CNTNAP2: variants seen among roughly 807,000 people sequenced by gnomAD.
CNTNAP2 encodes the protein contactin associated protein 2.
A neutral mutation model predicts 155.2 loss-of-function variants in CNTNAP2; 98 were observed. The ratio of observed to expected loss-of-function variants is 0.63; its 90% CI spans 0.54 to 0.75. CNTNAP2 has a LOEUF of 0.75. Ranked by LOEUF, CNTNAP2 falls within the 30% of genes least tolerant of loss-of-function variation. The probability of loss-of-function intolerance (pLI) is 0.00; values close to 1 mark genes in which losing one functional copy is unlikely to be tolerated. For synonymous variants in CNTNAP2, 651 were observed against 631.2 expected, an observed-to-expected ratio of 1.03 and a Z score of -0.47; for missense variants, 1,727 against 1,688.1, an observed-to-expected ratio of 1.02 and a Z score of -0.40.
chr7:147,880,901 G>A lies in CNTNAP2; in HGVS notation c.2099-22664G>A, dbSNP rs1276142146. Among the ~76,000 whole-genome samples, 3 of 93,848 alleles carry A rather than the reference G, an allele frequency of 3.2e-5. No homozygotes were observed. The East Asian group carries it at 1.0e-3, about 32-fold the overall frequency. 61.6% of individuals were successfully genotyped at this position (93,848 alleles called of 152,430 possible). On this transcript the variant is annotated intron_variant, in intron 13 of 23. Coordinates refer to ENST00000361727, the MANE Select transcript of CNTNAP2 (RefSeq NM_014141.6). Reference sequence around the variant, plus strand: ...TGTGTGTGTGTGTGTGTGTTTCCAAGTAAGATAATCAGTCTTAGATGCCAG... The same window carrying A: ...TGTGTGTGTGTGTGTGTGTTTCCAAATAAGATAATCAGTCTTAGATGCCAG...
intron 1 of CNTNAP2, among the ~76,000 whole-genome samples, chr7:146,699,610 G>A (rs935870467): frequency 1.3e-5 from 2 of 152,190 alleles, no homozygotes; most frequent in East Asian, 3.9e-4. Flanking sequence ...TTCAGCTCTG[G>A]TAAAACCTCA....
At chr7:147,402,064 T>C (rs1796925038) in intron 10 of CNTNAP2, among the ~76,000 whole-genome samples, 1 of 152,234 alleles carries the variant, frequency 6.6e-6, no homozygotes, top group Non-Finnish European at 1.5e-5. Flanking sequence ...TAATTCCCTA[T>C]TTCTAGTCAG....
At chr7:146,468,341 C>T (rs1796745116) in intron 1 of CNTNAP2, among the ~76,000 whole-genome samples, 1 of 151,826 alleles carries the variant, frequency 6.6e-6, no homozygotes, top group Non-Finnish European at 1.5e-5. Flanking sequence ...TGCTTAGTAC[C>T]TGGGTGACTG....
chr7:146,166,753 C>T (rs552853943), intron 1 of CNTNAP2, among the ~76,000 whole-genome samples: 4 of 152,066 alleles, frequency 2.6e-5, no homozygotes, highest in African/African-American at 4.8e-5. Flanking sequence ...AGATCAGAAT[C>T]GAGTTAGAAG....
At chr7:148,297,657 TA>T (rs1563030769) in intron 21 of CNTNAP2, among the ~76,000 whole-genome samples, 1 of 142,392 alleles carries the variant, frequency 7.0e-6, no homozygotes, top group East Asian at 2.0e-4. Flanking sequence ...TGTGATTGAA[TA>T]TCTTAATTTT....
intron 1 of CNTNAP2, among the ~76,000 whole-genome samples, chr7:146,302,924 A>G (rs1011888497): frequency 6.6e-6 from 1 of 152,208 alleles, no homozygotes; most frequent in African/African-American, 2.4e-5. Context: ...GTATTATTCA[A>G]CAAGAGTTAC....
intron 4 of CNTNAP2, among the ~76,000 whole-genome samples, chr7:147,107,499 A>G (rs1800790410): frequency 6.6e-6 from 1 of 152,142 alleles, no homozygotes; most frequent in Non-Finnish European, 1.5e-5. Context: ...GAAAAAACAA[A>G]CAATGGTGCC....
At chr7:148,094,032 G>T (rs1023981833) in intron 15 of CNTNAP2, among the ~76,000 whole-genome samples, 2 of 152,078 alleles carry the variant, frequency 1.3e-5, no homozygotes, top group African/African-American at 2.4e-5. Context: ...TGCTGGGATT[G>T]CAGGTGTAAG....
At chr7:148,231,239 T>G (rs1039705710) in intron 20 of CNTNAP2, among the ~76,000 whole-genome samples, 2 of 152,188 alleles carry the variant, frequency 1.3e-5, no homozygotes, top group Non-Finnish European at 2.9e-5. Context: ...TGGATGATTT[T>G]TAAGACTTGG....
At chr7:146,872,399 G>A (rs1362894311) in intron 3 of CNTNAP2, among the ~76,000 whole-genome samples, 2 of 152,112 alleles carry the variant, frequency 1.3e-5, no homozygotes, top group Admixed American at 1.3e-4. Context: ...GTAAACCAAT[G>A]CTGCACTTTA....
intron 3 of CNTNAP2, among the ~76,000 whole-genome samples, chr7:147,008,733 T>C (rs768620284): frequency 1.3e-5 from 2 of 152,182 alleles, no homozygotes; most frequent in Non-Finnish European, 2.9e-5. Flanking sequence ...GGCCAGCAAA[T>C]TGTGGAAAGG....
intron 1 of CNTNAP2, among the ~76,000 whole-genome samples, chr7:146,420,771 G>T (rs1041326239): frequency 3.9e-5 from 6 of 151,976 alleles, no homozygotes; most frequent in Non-Finnish European, 7.4e-5. Flanking sequence ...ATTCCATTGA[G>T]TTATATAAGA....
intron 13 of CNTNAP2, among the ~76,000 whole-genome samples, chr7:147,759,796 A>G (rs1385497665): frequency 6.6e-6 from 1 of 152,082 alleles, no homozygotes; most frequent in Non-Finnish European, 1.5e-5. Flanking sequence ...TTTGCTCCAT[A>G]ATTATATCTT....
intron 8 of CNTNAP2, among the ~76,000 whole-genome samples, chr7:147,298,679 T>G (rs2116765478): frequency 6.6e-6 from 1 of 152,370 alleles, no homozygotes; most frequent in African/African-American, 2.4e-5. Flanking sequence ...CTAGGCTTTA[T>G]GAACTACATA....
At chr7:147,189,925 T>C (rs541048923) in intron 8 of CNTNAP2, among the ~76,000 whole-genome samples, 135 of 152,182 alleles carry the variant, frequency 8.9e-4, no homozygotes, top group Admixed American at 2.1e-3. Flanking sequence ...TTTGTATTTT[T>C]AGTAGAGATG....
chr7:147,555,347 C>T (rs1799932393), intron 11 of CNTNAP2, among the ~76,000 whole-genome samples: 2 of 152,070 alleles, frequency 1.3e-5, no homozygotes, highest in African/African-American at 4.8e-5. Context: ...CTTCTTTATC[C>T]ATTCAAGGGT....
intron 9 of CNTNAP2, among the ~76,000 whole-genome samples, chr7:147,386,627 G>C (rs1796630432): frequency 1.3e-5 from 2 of 152,242 alleles, no homozygotes; most frequent in South Asian, 2.1e-4. Flanking sequence ...CCTCAGCCTG[G>C]ATTTCATTGT....
intron 8 of CNTNAP2, among the ~76,000 whole-genome samples, chr7:147,267,880 C>T (rs377100959): frequency 1.7e-4 from 26 of 152,250 alleles, no homozygotes; most frequent in African/African-American, 5.8e-4. Flanking sequence ...TGAGATTAAC[C>T]TCATGAAGTA....
At chr7:146,352,507 A>G (rs961961157) in intron 1 of CNTNAP2, among the ~76,000 whole-genome samples, 1 of 152,112 alleles carries the variant, frequency 6.6e-6, no homozygotes, top group African/African-American at 2.4e-5. Flanking sequence ...CATAGAAAAC[A>G]GACTTGGTAG....
Sources: gnomAD v4.1 joint callset for allele counts (sites outside exome capture counted in the v4.1 genomes callset) on GRCh38, gnomAD v4.1.1 for gene constraint, MANE v1.5 for transcripts, NCBI Gene and HGNC (gene_info 2026-07-23, HGNC 2026-07-21) for gene names.